Variants in KCNH1 observed in about 807,000 individuals in gnomAD.
KCNH1 encodes potassium voltage-gated channel subfamily H member 1, also known as voltage-gated delayed rectifier potassium channel KCNH1.
In KCNH1, 27 loss-of-function variants were observed where a neutral mutation model predicts 69.2. That is an observed-to-expected ratio of 0.39 (90% CI 0.29 to 0.54). KCNH1 has a LOEUF of 0.54. Ranked by LOEUF, KCNH1 falls within the 20% of genes least tolerant of loss-of-function variation. The pLI, the probability that KCNH1 is intolerant of heterozygous loss-of-function variation, is 0.68. For synonymous variants in KCNH1, 456 were observed against 487.7 expected (o/e 0.93, Z 0.86); for missense variants, 798 against 1,261.6 (o/e 0.63, Z 5.57).
intron 7 of KCNH1, among the ~76,000 whole-genome samples, chr1:210,868,669 C>A (rs1357542422): frequency 6.6e-6 from 1 of 151,986 alleles, no homozygotes; most frequent in East Asian, 1.9e-4. Flanking sequence ...AACATTTAAT[C>A]ACAAGATTCT....
chr1:210,917,489 C>A (rs1185739421), intron 7 of KCNH1, among the ~76,000 whole-genome samples: 2 of 152,004 alleles, frequency 1.3e-5, no homozygotes, highest in African/African-American at 4.8e-5. Flanking sequence ...AACAAAAAAA[C>A]AAACAAACAA....
chr1:211,092,827 CT>C (rs34391994), intron 3 of KCNH1, among the ~76,000 whole-genome samples: 106 of 145,838 alleles, frequency 7.3e-4, no homozygotes, highest in East Asian at 4.8e-3. Flanking sequence ...CAAAAAAAAC[CT>C]TTTTTTTTTT....
chr1:210,949,457 T>C (rs1688021752), intron 6 of KCNH1, among the ~76,000 whole-genome samples: 1 of 152,214 alleles, frequency 6.6e-6, no homozygotes, highest in Non-Finnish European at 1.5e-5. Flanking sequence ...ACCCCTTTGC[T>C]TTATTAAGCA....
chr1:211,121,739 T>C (rs988696308), intron 1 of KCNH1, among the ~76,000 whole-genome samples: 3 of 152,190 alleles, frequency 2.0e-5, no homozygotes, highest in African/African-American at 4.8e-5. Context: ...TCAGAGTGAA[T>C]AGATAGCCTA....
rs1322740082 is a variant in KCNH1, at chr1:210,955,823, A to G, written c.1033-35754T>C. Among the ~76,000 whole-genome samples, 3 of 152,282 alleles carry G rather than the reference A, an allele frequency of 2.0e-5. No individual in the cohort carries two copies. The East Asian group carries it at 5.8e-4, about 29-fold the overall frequency. On this transcript the variant is annotated intron_variant, in intron 6 of 10. Transcript: ENST00000271751. ...TTGGGCTGAGATGATGGGGTTTTCT[A>G]AATATATGATCATGTCATCTGTAAA...
intron 6 of KCNH1, among the ~76,000 whole-genome samples, chr1:210,983,527 A>G (rs1035551392): frequency 3.3e-5 from 5 of 152,202 alleles, no homozygotes; most frequent in Admixed American, 2.0e-4. Context: ...TTAAATAGGG[A>G]ATCCTTTCCC....
chr1:211,002,101 T>A (rs911469274), intron 6 of KCNH1, among the ~76,000 whole-genome samples: 1 of 151,996 alleles, frequency 6.6e-6, no homozygotes, highest in African/African-American at 2.4e-5. Context: ...ACATGGCACA[T>A]GTACACGTAT....
chr1:210,687,391 G>C (rs528240743), intron 10 of KCNH1, among the ~76,000 whole-genome samples: 38 of 152,260 alleles, frequency 2.5e-4, no homozygotes, highest in African/African-American at 6.7e-4. Flanking sequence ...TCAATGACAG[G>C]GCCTGTTGGT....
intron 7 of KCNH1, chr1:210,860,420 C>G: frequency 9.8e-7 from 1 of 1,025,346 alleles, no homozygotes; most frequent in South Asian, 1.3e-5. Flanking sequence ...TCTTCAACTA[C>G]ACTAAGAAGT....
At chr1:210,692,774 G>A (rs114002236) in intron 10 of KCNH1, among the ~76,000 whole-genome samples, 2,575 of 152,292 alleles carry the variant, frequency 0.017, 35 homozygotes, top group Middle Eastern at 0.031. Flanking sequence ...GCAACCAGAA[G>A]CTAAGACAGG....
chr1:211,089,613 A>C lies in KCNH1; in HGVS notation c.439+949T>G, dbSNP rs192941769. On this transcript the variant is annotated intron_variant, in intron 4 of 10. Transcript: ENST00000271751. Reference sequence around the variant, plus strand: ...CTATAATGCTCATTTAACAACAAAAATTTTGTCACACCAAAAATAATATGT... The same window carrying C: ...CTATAATGCTCATTTAACAACAAAACTTTTGTCACACCAAAAATAATATGT... 7.9e-4 allele frequency among the ~76,000 whole-genome samples: 121 copies of C among 152,274 alleles called. 1 individual carries two copies. In the East Asian group the frequency reaches 0.02, roughly 25 times the overall value.
chr1:210,991,579 T>C (rs1245316475), intron 6 of KCNH1, among the ~76,000 whole-genome samples: 1 of 149,322 alleles, frequency 6.7e-6, no homozygotes, highest in Non-Finnish European at 1.5e-5. Flanking sequence ...CATCTCAAAA[T>C]TGCCAGAAGG....
chr1:210,738,911 T>C (rs1292174524), intron 10 of KCNH1, among the ~76,000 whole-genome samples: 1 of 152,160 alleles, frequency 6.6e-6, no homozygotes, highest in Non-Finnish European at 1.5e-5. Flanking sequence ...ATACCTTAAA[T>C]TCTGTGAGCA....
chr1:210,771,152 G>A (rs1260087953), intron 10 of KCNH1, among the ~76,000 whole-genome samples: 1 of 152,176 alleles, frequency 6.6e-6, no homozygotes, highest in Admixed American at 6.5e-5. Flanking sequence ...TCTAGGCTTT[G>A]AGGAAAAAGC....
intron 7 of KCNH1, among the ~76,000 whole-genome samples, chr1:210,809,988 CA>C (rs1276553027): frequency 2.0e-5 from 3 of 152,178 alleles, no homozygotes; most frequent in Admixed American, 1.3e-4. Context: ...TCTTCATCAG[CA>C]ACCTAGGAAG....
intron 1 of KCNH1, among the ~76,000 whole-genome samples, chr1:211,111,159 C>G (rs1287602400): frequency 6.6e-6 from 1 of 152,158 alleles, no homozygotes; most frequent in Non-Finnish European, 1.5e-5. Flanking sequence ...AGATTTCAAG[C>G]TCCAGATATC....
intron 7 of KCNH1, among the ~76,000 whole-genome samples, chr1:210,805,285 G>A (rs932554084): frequency 6.6e-6 from 1 of 151,990 alleles, no homozygotes; most frequent in Non-Finnish European, 1.5e-5. Flanking sequence ...TTTTTGCTCT[G>A]GCTTTTCAAA....
At chr1:211,078,914 T>C in intron 5 of KCNH1, among the ~76,000 whole-genome samples, 1 of 63,700 alleles carries the variant, frequency 1.6e-5, no homozygotes, top group East Asian at 4.2e-4. Context: ...CGAGACTCCG[T>C]CTCAAAAAAA....
In KCNH1 at chr1:210,900,173, A is replaced by G. The variant is rs555267107; in HGVS notation, c.1462+19467T>C. ...AAGGCAGAGAGAGATTTAAACAAAT[A>G]CACAAATACAAAGCAGTTCAAAAAC... On this transcript the variant is annotated intron_variant, in intron 7 of 10. Transcript: ENST00000271751. Among the ~76,000 whole-genome samples, 127 of 152,350 alleles carry G rather than the reference A, an allele frequency of 8.3e-4. 10 individuals are homozygous for G. The highest frequency in any genetic ancestry group is 4.1e-4 in the South Asian group (2 of 4,826).
Sources: gnomAD v4.1 joint callset for allele counts (sites outside exome capture counted in the v4.1 genomes callset) on GRCh38, gnomAD v4.1.1 for gene constraint, MANE v1.5 for transcripts, NCBI Gene and HGNC (gene_info 2026-07-23, HGNC 2026-07-21) for gene names.